Variants in DLGAP2 observed in about 807,000 individuals in gnomAD.
DLGAP2 encodes the protein DLG associated protein 2, also known as disks large-associated protein 2.
Under a neutral mutation model 100.3 loss-of-function variants are expected in DLGAP2, and 26 were observed. The ratio of observed to expected loss-of-function variants is 0.26; its 90% confidence interval spans 0.19 to 0.36. DLGAP2 has a LOEUF of 0.36. Among genes scored for constraint, DLGAP2 ranks in the 10% least tolerant of loss-of-function variants. The pLI, the probability that DLGAP2 is intolerant of heterozygous loss-of-function variation, is 1.00. For synonymous variants in DLGAP2, 886 were observed against 630.1 expected, an observed-to-expected ratio of 1.41 and a Z score of -6.08; for missense variants, 1,858 against 1,453.2, an observed-to-expected ratio of 1.28 and a Z score of -4.53.
intron 6 of DLGAP2, among the ~76,000 whole-genome samples, chr8:1,594,155 G>A (rs1383071321): frequency 6.6e-6 from 1 of 152,146 alleles, no homozygotes. Flanking sequence ...GTCTTCTCAT[G>A]TATAAGACAA....
At chr8:1,155,287 G>T (rs555348751) in intron 2 of DLGAP2, among the ~76,000 whole-genome samples, 14 of 152,268 alleles carry the variant, frequency 9.2e-5, no homozygotes, top group Non-Finnish European at 1.9e-4. Flanking sequence ...TCTTCCCGGA[G>T]GGAGTGGTTT....
At chr8:927,848 G>C (rs984451657) in intron 2 of DLGAP2, among the ~76,000 whole-genome samples, 1 of 152,154 alleles carries the variant, frequency 6.6e-6, no homozygotes, top group African/African-American at 2.4e-5. Flanking sequence ...AGTTCAGAGA[G>C]CTAAATTGCA....
Position 1,303,969 on chromosome 8 carries a change from A to T in DLGAP2, c.106+45086A>T, listed in dbSNP as rs372465998. On this transcript the variant is annotated intron_variant, in intron 3 of 14. Transcript: ENST00000637795. ...GCACTCTCACAGAAGGGAAGAGGTAATTTTTCCATTTGTGAGGAGAGTGCA... is the reference window on the plus strand; with the variant it reads ...GCACTCTCACAGAAGGGAAGAGGTATTTTTTCCATTTGTGAGGAGAGTGCA... Among the ~76,000 whole-genome samples the T allele has an allele frequency of 1.3e-4, 19 of 151,984 alleles. 1 individual carries two copies. The highest frequency in any genetic ancestry group is 4.4e-4 in the African/African-American group (18 of 41,378).
rs78779648 is a variant in DLGAP2 at position 1,018,024 on chromosome 8, C to G, written c.73+110058C>G. Among the ~76,000 whole-genome samples the G allele has an allele frequency of 6.8e-3, 1,041 of 152,216 alleles. 21 individuals are homozygous for G. Among genetic ancestry groups the G allele is most frequent in the African/African-American group, 0.024 (996 of 41,532 alleles). On this transcript the variant is annotated intron_variant, in intron 2 of 14. Transcript: ENST00000637795. ...TCCCACCCCATCCCTTTGTGGAAAG[C>G]GCTCACTGACCCCTGCCCCTACAGG...
At chr8:1,310,050 C>G (rs987006348) in intron 3 of DLGAP2, among the ~76,000 whole-genome samples, 4 of 128,166 alleles carry the variant, frequency 3.1e-5, no homozygotes, top group Non-Finnish European at 4.8e-5. Flanking sequence ...CAGGGCAAGT[C>G]TCCATCTCAA....
chr8:764,411 A>G (rs373810390), intron 1 of DLGAP2, among the ~76,000 whole-genome samples: 25 of 152,362 alleles, frequency 1.6e-4, no homozygotes, highest in African/African-American at 5.5e-4. Context: ...CAAAACTTAC[A>G]TAAACGCCTA....
chr8:1,528,482 C>T (rs1027046415), intron 4 of DLGAP2, among the ~76,000 whole-genome samples: 1 of 152,214 alleles, frequency 6.6e-6, no homozygotes, highest in Non-Finnish European at 1.5e-5. Flanking sequence ...AAGGGCGGTG[C>T]CTCCACCAGG....
chr8:1,474,859 G>C (rs1258411711), intron 3 of DLGAP2, among the ~76,000 whole-genome samples: 1 of 152,182 alleles, frequency 6.6e-6, no homozygotes, highest in African/African-American at 2.4e-5. Flanking sequence ...ACTACCGTTT[G>C]ACCCCATAAT....
chr8:961,558 G>C (rs929823206), intron 2 of DLGAP2, among the ~76,000 whole-genome samples: 3 of 152,158 alleles, frequency 2.0e-5, no homozygotes, highest in African/African-American at 7.2e-5. Context: ...AGGGGGAGCT[G>C]TCCTGGCTGT....
At chr8:1,246,423 G>A (rs924133966) in intron 2 of DLGAP2, among the ~76,000 whole-genome samples, 13 of 152,284 alleles carry the variant, frequency 8.5e-5, no homozygotes, top group East Asian at 3.9e-4. Context: ...TGCCATCCGC[G>A]GCTGCTGAGA....
intron 4 of DLGAP2, among the ~76,000 whole-genome samples, chr8:1,508,645 C>T (rs13251938): frequency 0.14 from 21,377 of 147,856 alleles, 1,701 homozygotes; most frequent in Non-Finnish European, 0.17. Context: ...TGGAAGCTCC[C>T]AGACATACGT....
intron 6 of DLGAP2, among the ~76,000 whole-genome samples, chr8:1,589,665 C>G (rs1563241337): frequency 6.6e-6 from 1 of 152,186 alleles, no homozygotes; most frequent in Non-Finnish European, 1.5e-5. Context: ...CCAGGCTGGT[C>G]TCAAACTCCT....
chr8:1,427,741 G>A (rs1797276766), intron 3 of DLGAP2, among the ~76,000 whole-genome samples: 1 of 152,182 alleles, frequency 6.6e-6, no homozygotes, highest in Admixed American at 6.5e-5. Context: ...TGTGAGACAT[G>A]CCCTTCATCT....
rs58287092 is a variant in DLGAP2 at position 1,305,337 on chromosome 8, G to A, written c.106+46454G>A. ...GTTTCTGGGATATTGTGGGGCTACTGAAGCTATGATCTTCAGCATTATTTT... is the reference window on the plus strand; with the variant it reads ...GTTTCTGGGATATTGTGGGGCTACTAAAGCTATGATCTTCAGCATTATTTT... On this transcript the variant is annotated intron_variant, in intron 3 of 14. Coordinates refer to ENST00000637795, the MANE Select transcript of DLGAP2 (RefSeq NM_001346810.2). Among the ~76,000 whole-genome samples the A allele has an allele frequency of 1.3e-3, 196 of 152,314 alleles. 1 individual carries two copies. The highest frequency in any genetic ancestry group is 4.5e-3 in the African/African-American group (189 of 41,572).
At chr8:869,966 G>T (rs1685279398) in intron 1 of DLGAP2, among the ~76,000 whole-genome samples, 1 of 151,166 alleles carries the variant, frequency 6.6e-6, no homozygotes, top group African/African-American at 2.4e-5. Context: ...GGAGAGCAGG[G>T]CCATTTAGAA....
At chr8:1,031,670 G>A (rs564188993) in intron 2 of DLGAP2, among the ~76,000 whole-genome samples, 9 of 152,272 alleles carry the variant, frequency 5.9e-5, no homozygotes, top group Non-Finnish European at 1.2e-4. Context: ...GATTAAATTA[G>A]ATGTTCCTCT....
rs75136842 is a variant in DLGAP2, at chr8:985,863, C to T, written c.73+77897C>T. ...CACAGGAGCTGCCCATTTGCTCAGT[C>T]GATCACCTGACAAACCCCCTGTTTC... On this transcript the variant is annotated intron_variant, in intron 2 of 14. Coordinates refer to ENST00000637795, the MANE Select transcript of DLGAP2 (RefSeq NM_001346810.2). Among the ~76,000 whole-genome samples the T allele has an allele frequency of 5.9e-3, 903 of 152,228 alleles. 7 individuals are homozygous for T. Among genetic ancestry groups the T allele is most frequent in the African/African-American group, 0.021 (858 of 41,528 alleles).
intron 3 of DLGAP2, among the ~76,000 whole-genome samples, chr8:1,493,338 T>G (rs1365080783): frequency 6.6e-6 from 1 of 151,490 alleles, no homozygotes; most frequent in Admixed American, 6.6e-5. Context: ...GACACGCCTC[T>G]GTGGACCCAG....
At chr8:1,238,244 C>T (rs1798707407) in intron 2 of DLGAP2, among the ~76,000 whole-genome samples, 1 of 55,036 alleles carries the variant, frequency 1.8e-5, no homozygotes, top group Non-Finnish European at 3.4e-5. Context: ...CACATGGTGC[C>T]ATGTCTAGTT....
Sources: gnomAD v4.1 joint callset for allele counts (sites outside exome capture counted in the v4.1 genomes callset) on GRCh38, gnomAD v4.1.1 for gene constraint, MANE v1.5 for transcripts, NCBI Gene and HGNC (gene_info 2026-07-23, HGNC 2026-07-21) for gene names.